Variants in SLC14A2 observed in about 807,000 individuals in gnomAD.
The protein encoded by SLC14A2 is solute carrier family 14 member 2.
SLC14A2 carries 91 observed loss-of-function variants against 104.6 expected under a neutral mutation model. That is an observed-to-expected ratio of 0.87 (90% CI 0.73 to 1.04). The LOEUF is 1.04. Ranked by LOEUF, SLC14A2 falls within the 50% of genes least tolerant of loss-of-function variation. SLC14A2 has a pLI of 0.00. For synonymous variants in SLC14A2, 476 were observed against 466.4 expected (o/e 1.02, Z -0.27); for missense variants, 1,189 against 1,156.0 (o/e 1.03, Z -0.41).
intron 1 of SLC14A2, among the ~76,000 whole-genome samples, chr18:45,482,955 A>T (rs2087524860): frequency 6.6e-6 from 1 of 152,212 alleles, no homozygotes; most frequent in South Asian, 2.1e-4. Flanking sequence ...GGACAATAGG[A>T]TCCCTGTTTT....
At chr18:45,371,226 C>T (rs1432238546) in intron 1 of SLC14A2, among the ~76,000 whole-genome samples, 1 of 152,134 alleles carries the variant, frequency 6.6e-6, no homozygotes, top group African/African-American at 2.4e-5. Context: ...AGCCATAATT[C>T]CCACGATCTC....
At chr18:45,307,723 TG>T (rs1599662296) in intron 1 of SLC14A2, among the ~76,000 whole-genome samples, 1 of 152,298 alleles carries the variant, frequency 6.6e-6, no homozygotes, top group East Asian at 1.9e-4. Context: ...AATGTCAAGA[TG>T]AAAGCAATTG....
At position 45,600,699 on chromosome 18, in the gene SLC14A2, G is replaced by T. The variant is rs180723979; in HGVS notation, c.-34-23932G>T. On this transcript the variant is annotated intron_variant, in intron 2 of 20. Transcript: ENST00000586448. ...CAAGAGGTGGGGAATAGGCACTCAA[G>T]AACCATGAACCAAGGGAGGCAGCAG... Among the ~76,000 whole-genome samples, 12 of 152,296 alleles carry T rather than the reference G, an allele frequency of 7.9e-5. No homozygotes were observed. The East Asian group carries it at 1.5e-3, about 20-fold the overall frequency.
intron 1 of SLC14A2, among the ~76,000 whole-genome samples, chr18:45,334,677 A>G (rs1278559184): frequency 6.6e-6 from 1 of 152,180 alleles, no homozygotes; most frequent in Non-Finnish European, 1.5e-5. Context: ...TATCCATAAA[A>G]TAGGTTAAAA....
intron 1 of SLC14A2, among the ~76,000 whole-genome samples, chr18:45,411,172 G>A (rs1323011971): frequency 6.6e-6 from 1 of 152,130 alleles, no homozygotes; most frequent in East Asian, 1.9e-4. Context: ...CATAATGATT[G>A]CAAACATTGA....
intron 1 of SLC14A2, among the ~76,000 whole-genome samples, chr18:45,338,079 T>C (rs1017864312): frequency 6.6e-6 from 1 of 152,222 alleles, no homozygotes. Flanking sequence ...TGACTTCAAG[T>C]GTATAGACAA....
intron 1 of SLC14A2, among the ~76,000 whole-genome samples, chr18:45,294,182 G>A (rs953936274): frequency 3.3e-5 from 5 of 151,986 alleles, no homozygotes; most frequent in African/African-American, 9.7e-5. Context: ...TATCAAATAG[G>A]CAGATATTTT....
chr18:45,499,003 C>G (rs2043147785), intron 2 of SLC14A2, among the ~76,000 whole-genome samples: 1 of 152,182 alleles, frequency 6.6e-6, no homozygotes, highest in Non-Finnish European at 1.5e-5. Context: ...GGACCCAGCC[C>G]CTTAAAACTT....
At chr18:45,396,819 C>A (rs1327225490) in intron 1 of SLC14A2, among the ~76,000 whole-genome samples, 1 of 151,974 alleles carries the variant, frequency 6.6e-6, no homozygotes, top group Non-Finnish European at 1.5e-5. Context: ...TCCCCTTCCT[C>A]CCACCCTCCA....
intron 1 of SLC14A2, among the ~76,000 whole-genome samples, chr18:45,220,750 T>C (rs1185005111): frequency 2.6e-5 from 4 of 152,224 alleles, no homozygotes; most frequent in African/African-American, 9.6e-5. Context: ...TTGCTAGAGC[T>C]GCCATAACAA....
chr18:45,345,123 A>G (rs1415636454), intron 1 of SLC14A2, among the ~76,000 whole-genome samples: 4 of 152,170 alleles, frequency 2.6e-5, no homozygotes, highest in African/African-American at 9.7e-5. Flanking sequence ...TTGTTCATAA[A>G]GGTGCTTCAT....
intron 2 of SLC14A2, among the ~76,000 whole-genome samples, chr18:45,600,563 A>G (rs10853534): frequency 0.73 from 110,899 of 152,066 alleles, 40,638 homozygotes; most frequent in East Asian, 0.85. Flanking sequence ...AGATGCTGCA[A>G]GGTACATGCA....
intron 16 of SLC14A2, among the ~76,000 whole-genome samples, chr18:45,671,623 A>C (rs2046139078): frequency 6.6e-6 from 1 of 152,074 alleles, no homozygotes; most frequent in South Asian, 2.1e-4. Flanking sequence ...GTGAGGCCAG[A>C]GCCCTCATTC....
In SLC14A2 at chr18:45,582,668, G is replaced by C. The variant is rs571734172; in HGVS notation, c.-34-41963G>C. Reference sequence around the variant, plus strand: ...GGGGATGATGTTCCTGGGTCACACAGAGAGCTTTCTGACCATGTGCTCTCC... The same window carrying C: ...GGGGATGATGTTCCTGGGTCACACACAGAGCTTTCTGACCATGTGCTCTCC... On this transcript the variant is annotated intron_variant, in intron 2 of 20. Transcript: ENST00000586448. Among the ~76,000 whole-genome samples, 7 of 152,256 alleles carry C rather than the reference G, an allele frequency of 4.6e-5. No homozygotes were observed. In the South Asian group the frequency reaches 1.5e-3, roughly 32 times the overall value.
chr18:45,364,731 G>A (rs1411687397), intron 1 of SLC14A2, among the ~76,000 whole-genome samples: 1 of 152,142 alleles, frequency 6.6e-6, no homozygotes, highest in Non-Finnish European at 1.5e-5. Context: ...ATAGTGCTTG[G>A]CACCTAGCAA....
chr18:45,280,501 G>C (rs189299957), intron 1 of SLC14A2, among the ~76,000 whole-genome samples: 13 of 151,866 alleles, frequency 8.6e-5, no homozygotes, highest in African/African-American at 2.9e-4. Context: ...CTCCAGCCTC[G>C]AAGGCCACAG....
chr18:45,494,119 G>A (rs1200332126), intron 2 of SLC14A2, among the ~76,000 whole-genome samples: 2 of 152,194 alleles, frequency 1.3e-5, no homozygotes, highest in African/African-American at 2.4e-5. Context: ...CAGAGTGGCG[G>A]TATAGGAAGG....
At chr18:45,305,816 C>G (rs1347281284) in intron 1 of SLC14A2, among the ~76,000 whole-genome samples, 1 of 152,088 alleles carries the variant, frequency 6.6e-6, no homozygotes, top group Non-Finnish European at 1.5e-5. Flanking sequence ...CATGGCTGAT[C>G]CTGCTTGGCT....
chr18:45,221,758 G>A (rs946551750), intron 1 of SLC14A2, among the ~76,000 whole-genome samples: 10 of 151,974 alleles, frequency 6.6e-5, no homozygotes, highest in Admixed American at 3.3e-4. Context: ...GTTTTAGGAC[G>A]GCACTTGGTG....
Sources: gnomAD v4.1 joint callset for allele counts (sites outside exome capture counted in the v4.1 genomes callset) on GRCh38, gnomAD v4.1.1 for gene constraint, MANE v1.5 for transcripts, NCBI Gene and HGNC (gene_info 2026-07-23, HGNC 2026-07-21) for gene names.